The following DOK6 variants were observed in gnomAD, a reference collection of about 807,000 sequenced individuals.
DOK6 encodes docking protein 6.
Under a neutral mutation model 44.0 loss-of-function variants are expected in DOK6, and 22 were observed. The observed-to-expected ratio is 0.50, with a 90% CI of 0.36 to 0.71. The LOEUF is 0.71. DOK6 is among the 30% of genes least tolerant of loss of function. The probability of loss-of-function intolerance (pLI) is 0.00; values close to 1 mark genes in which losing one functional copy is unlikely to be tolerated. For missense variants in DOK6, 340 were observed against 416.4 expected (o/e 0.82, Z 1.60); for synonymous variants, 166 against 145.5 (o/e 1.14, Z -1.01).
chr18:69,548,079 G>A (rs919807100), intron 1 of DOK6, among the ~76,000 whole-genome samples: 2 of 150,102 alleles, frequency 1.3e-5, no homozygotes, highest in Non-Finnish European at 3.0e-5. Flanking sequence ...TCAGCCTCCC[G>A]AGTAGCTGGG....
intron 3 of DOK6, among the ~76,000 whole-genome samples, chr18:69,605,076 T>TTATGTG: frequency 7.9e-6 from 1 of 125,858 alleles, no homozygotes; most frequent in African/African-American, 3.0e-5. Flanking sequence ...AGAGATCCCT[T>TTATGTG]TGTGTGTGTG....
intron 5 of DOK6, among the ~76,000 whole-genome samples, chr18:69,729,654 C>G (rs953112406): frequency 6.6e-6 from 1 of 151,954 alleles, no homozygotes; most frequent in East Asian, 1.9e-4. Context: ...TCCAACCAAC[C>G]AAAGAATAGG....
At position 69,720,894 on chromosome 18, in the gene DOK6, T is replaced by C. The variant is rs150131877; in HGVS notation, c.600-18071T>C. ...GAGATGAAATATATGGATTCCTACA[T>C]AGAAGACTAAATACAACCAGAACGG... On this transcript the variant is annotated intron_variant, in intron 5 of 7. Coordinates refer to ENST00000382713, the MANE Select transcript of DOK6 (RefSeq NM_152721.6). 1.1e-4 allele frequency among the ~76,000 whole-genome samples: 17 copies of C among 152,284 alleles called. No homozygotes were observed. In the East Asian group the frequency reaches 2.5e-3, roughly 22 times the overall value.
At chr18:69,520,411 T>A (rs79169492) in intron 1 of DOK6, among the ~76,000 whole-genome samples, 1 of 151,852 alleles carries the variant, frequency 6.6e-6, no homozygotes, top group African/African-American at 2.4e-5. Flanking sequence ...TATGTTTTTT[T>A]ATCTTACTTC....
chr18:69,586,924 A>T (rs989919295), intron 2 of DOK6, among the ~76,000 whole-genome samples: 3 of 152,110 alleles, frequency 2.0e-5, no homozygotes, highest in Admixed American at 6.5e-5. Flanking sequence ...ATAAATAATA[A>T]ATAAAGAATA....
At chr18:69,589,391 C>A (rs974541120) in intron 2 of DOK6, among the ~76,000 whole-genome samples, 1 of 151,634 alleles carries the variant, frequency 6.6e-6, no homozygotes, top group African/African-American at 2.4e-5. Context: ...TAGTAAAATA[C>A]CCAGATTAAT....
At chr18:69,550,481 G>GAGAT (rs1982533472) in intron 1 of DOK6, among the ~76,000 whole-genome samples, 1 of 152,030 alleles carries the variant, frequency 6.6e-6, no homozygotes, top group Non-Finnish European at 1.5e-5. Context: ...TAAATGCTTT[G>GAGAT]AGATTCCCTG....
chr18:69,824,995 T>C (rs1981699221), intron 7 of DOK6, among the ~76,000 whole-genome samples: 1 of 152,246 alleles, frequency 6.6e-6, no homozygotes, highest in Admixed American at 6.5e-5. Flanking sequence ...TAGTGTTACT[T>C]AATGCTTATC....
At chr18:69,445,034 A>T (rs1979244433) in intron 1 of DOK6, among the ~76,000 whole-genome samples, 1 of 152,172 alleles carries the variant, frequency 6.6e-6, no homozygotes, top group African/African-American at 2.4e-5. Flanking sequence ...TACTTTCAGT[A>T]TACAAGTCTT....
chr18:69,442,819 A>G (rs1399853346), intron 1 of DOK6, among the ~76,000 whole-genome samples: 1 of 152,170 alleles, frequency 6.6e-6, no homozygotes, highest in African/African-American at 2.4e-5. Context: ...TTCATTGCAC[A>G]TCTTTCATTG....
intron 3 of DOK6, among the ~76,000 whole-genome samples, chr18:69,675,764 TATA>T (rs1165809475): frequency 6.6e-6 from 1 of 152,198 alleles, no homozygotes; most frequent in Non-Finnish European, 1.5e-5. Flanking sequence ...TGGTTTAACC[TATA>T]ATATTTTGGT....
chr18:69,414,333 A>G (rs1351579527), intron 1 of DOK6, among the ~76,000 whole-genome samples: 2 of 152,076 alleles, frequency 1.3e-5, no homozygotes, highest in African/African-American at 4.8e-5. Context: ...AAGATAAACC[A>G]GATGTCCATC....
intron 6 of DOK6, 51 bp from the exon 7 acceptor site, chr18:69,757,705 T>C: frequency 6.9e-7 from 1 of 1,459,778 alleles, no homozygotes; most frequent in Non-Finnish European, 9.6e-7. Flanking sequence ...AGAGCAGATT[T>C]CAGTTTAATA....
rs150786125 is a variant in DOK6, at chr18:69,751,833, G to A, written c.739-5923G>A. On this transcript the variant is annotated intron_variant, in intron 6 of 7. Coordinates refer to ENST00000382713, the MANE Select transcript of DOK6 (RefSeq NM_152721.6). ...AGCCTGGGCAACATAATGAGATCTC[G>A]TCTCTACAAAAAGGAAAAAAAAAGT... Among the ~76,000 whole-genome samples, 275 of 151,288 alleles carry A rather than the reference G, an allele frequency of 1.8e-3. 1 individual carries two copies. The highest frequency in any genetic ancestry group is 0.01 in the Middle Eastern group (3 of 292).
At chr18:69,777,690 T>C (rs1210752544) in intron 7 of DOK6, among the ~76,000 whole-genome samples, 1 of 144,008 alleles carries the variant, frequency 6.9e-6, no homozygotes, top group African/African-American at 2.6e-5. Context: ...CTCTTCTCTC[T>C]CCTCAGCCCC....
chr18:69,490,056 C>T (rs1980692483), intron 1 of DOK6, among the ~76,000 whole-genome samples: 1 of 152,060 alleles, frequency 6.6e-6, no homozygotes, highest in South Asian at 2.1e-4. Context: ...TGTTCATAAG[C>T]TGAGATTGCT....
intron 1 of DOK6, among the ~76,000 whole-genome samples, chr18:69,481,374 T>A (rs1305920859): frequency 2.0e-5 from 3 of 148,928 alleles, no homozygotes; most frequent in South Asian, 2.1e-4. Context: ...CCCTACCCCC[T>A]ACCCCCACCC....
At chr18:69,758,010 G>T in intron 7 of DOK6, 137 bp downstream of exon 7, 1 of 724,884 alleles carries the variant, frequency 1.4e-6, no homozygotes, top group Non-Finnish European at 2.4e-6. Flanking sequence ...GCCACAGTGG[G>T]AGCTCTGAGA....
Position 69,826,499 on chromosome 18 carries a change from A to C in DOK6, c.857-14745A>C, listed in dbSNP as rs149503578. Among the ~76,000 whole-genome samples the C allele has an allele frequency of 6.6e-4, 101 of 152,348 alleles. 2 individuals are homozygous for C. Among genetic ancestry groups the C allele is most frequent in the African/African-American group, 2.2e-3 (91 of 41,590 alleles). Reference sequence around the variant, plus strand: ...ACAATTTTTATTGCTGCCCACTGGCAGAGTGGTACTATGGCTAATAAGGGT... The same window carrying C: ...ACAATTTTTATTGCTGCCCACTGGCCGAGTGGTACTATGGCTAATAAGGGT... On this transcript the variant is annotated intron_variant, in intron 7 of 7. Transcript: ENST00000382713.
Sources: gnomAD v4.1 joint callset for allele counts (sites outside exome capture counted in the v4.1 genomes callset) on GRCh38, gnomAD v4.1.1 for gene constraint, MANE v1.5 for transcripts, NCBI Gene and HGNC (gene_info 2026-07-23, HGNC 2026-07-21) for gene names.